TBCD: variants seen among roughly 807,000 people sequenced by gnomAD.
TBCD encodes tubulin-specific chaperone D.
A neutral mutation model predicts 169.3 loss-of-function variants in TBCD; 105 were observed. The observed-to-expected ratio is 0.62, with a 90% CI of 0.53 to 0.73. The LOEUF is 0.73. TBCD is among the 30% of genes least tolerant of loss of function. The pLI is 0.00. For synonymous variants in TBCD, 700 were observed against 643.9 expected, an observed-to-expected ratio of 1.09 and a Z score of -1.32; for missense variants, 1,444 against 1,600.1, an observed-to-expected ratio of 0.90 and a Z score of 1.66.
chr17:82,929,574 C>T (rs753600372), intron 32 of TBCD, 74 bp downstream of exon 32: 42 of 1,576,798 alleles, frequency 2.7e-5, no homozygotes, highest in Admixed American at 6.8e-5. Context: ...CTCTTGGGAG[C>T]ATGTATGGAG....
intron 13 of TBCD, among the ~76,000 whole-genome samples, chr17:82,834,438 A>G (rs1471428467): frequency 6.6e-6 from 1 of 152,252 alleles, no homozygotes; most frequent in Non-Finnish European, 1.5e-5. Flanking sequence ...AATATTTTCA[A>G]ACAGCTTAAA....
chr17:82,881,889 C>T (rs1021552267), intron 14 of TBCD, among the ~76,000 whole-genome samples: 3 of 151,726 alleles, frequency 2.0e-5, no homozygotes, highest in South Asian at 4.2e-4. Flanking sequence ...GGGGTCCTTT[C>T]TCTCTCTCTC....
At chr17:82,850,131 T>TGTTGGCTGTGCTGC (rs2055602222) in intron 13 of TBCD, among the ~76,000 whole-genome samples, 2 of 19,934 alleles carry the variant, frequency 1.0e-4, no homozygotes, top group Non-Finnish European at 2.2e-4. Flanking sequence ...GGCTGTGTTG[T>TGTTGGCTGTGCTGC]TGTTGGCTGT....
chr17:82,900,211 T>C (rs1006798293), intron 17 of TBCD, among the ~76,000 whole-genome samples: 3 of 152,218 alleles, frequency 2.0e-5, no homozygotes, highest in East Asian at 1.9e-4. Context: ...TCCCCCACCC[T>C]GAGGCCCCTG....
intron 13 of TBCD, among the ~76,000 whole-genome samples, chr17:82,826,642 C>T (rs1388611814): frequency 3.9e-5 from 6 of 152,198 alleles, no homozygotes; most frequent in Non-Finnish European, 8.8e-5. Flanking sequence ...TCTTGAACTC[C>T]TTGGCTCAAG....
intron 1 of TBCD, among the ~76,000 whole-genome samples, chr17:82,753,843 G>A (rs1453155293): frequency 1.3e-5 from 2 of 150,584 alleles, no homozygotes; most frequent in African/African-American, 2.4e-5. Context: ...ACGCAGAGCC[G>A]GTTGAAAGGG....
intron 27 of TBCD, among the ~76,000 whole-genome samples, chr17:82,925,520 C>T (rs938598536): frequency 5.3e-5 from 8 of 152,088 alleles, no homozygotes; most frequent in African/African-American, 1.9e-4. Context: ...TCCCACTGAC[C>T]AACCTGCCGG....
At chr17:82,830,874 G>T in intron 13 of TBCD, 1 of 1,612,714 alleles carries the variant, frequency 6.2e-7, no homozygotes, top group Admixed American at 1.7e-5. Flanking sequence ...TCACAACATT[G>T]AGGCTAGAAG....
At chr17:82,842,083 G>A (rs767066186) in intron 13 of TBCD, among the ~76,000 whole-genome samples, 2 of 152,252 alleles carry the variant, frequency 1.3e-5, no homozygotes, top group Non-Finnish European at 1.5e-5. Flanking sequence ...GATGCAAGGC[G>A]GGAGCCGAGG....
chr17:82,790,470 G>A (rs888808202), intron 7 of TBCD, among the ~76,000 whole-genome samples: 1 of 152,136 alleles, frequency 6.6e-6, no homozygotes, highest in Non-Finnish European at 1.5e-5. Context: ...TGTGGCCCAC[G>A]CCTGGGGTTC....
At chr17:82,839,484 T>C (rs775754976) in intron 13 of TBCD, among the ~76,000 whole-genome samples, 3 of 152,040 alleles carry the variant, frequency 2.0e-5, no homozygotes, top group Admixed American at 6.5e-5. Context: ...ACCACACATA[T>C]ATATAACCCT....
chr17:82,822,819 G>T (rs184490760), intron 13 of TBCD, among the ~76,000 whole-genome samples: 1 of 152,348 alleles, frequency 6.6e-6, no homozygotes, highest in African/African-American at 2.4e-5. Flanking sequence ...TGACATGTTG[G>T]AGCCTTCCAC....
At chr17:82,827,776 G>A (rs917085534) in intron 13 of TBCD, among the ~76,000 whole-genome samples, 1 of 150,080 alleles carries the variant, frequency 6.7e-6, no homozygotes, top group African/African-American at 2.5e-5. Flanking sequence ...CACATCCGCA[G>A]ATATGTACAC....
chr17:82,855,331 C>T (rs1306416207), intron 13 of TBCD, among the ~76,000 whole-genome samples: 1 of 138,118 alleles, frequency 7.2e-6, no homozygotes, highest in Non-Finnish European at 1.5e-5. Context: ...ATGGTGTAGT[C>T]GCGGCTCACT....
intron 8 of TBCD, among the ~76,000 whole-genome samples, chr17:82,800,024 C>T (rs557787534): frequency 3.8e-4 from 58 of 152,276 alleles, no homozygotes; most frequent in Non-Finnish European, 6.6e-4. Flanking sequence ...CCCCCATCCC[C>T]CTGCTCTGTC....
chr17:82,889,967 G>A lies in TBCD; in HGVS notation c.1563+270G>A, dbSNP rs74000173. The stretch of plus-strand genomic sequence containing the variant: ...GCCACATAATGTGGCTCTGCAGGGT[G>A]GGGCGGGTCCCTGGGACCAGCCTGG... On this transcript the variant is annotated intron_variant, in intron 16 of 38. Transcript: ENST00000355528. The surrounding 1 kb of genome is among the most constrained non-coding windows in gnomAD (Gnocchi z 5.3). Among the ~76,000 whole-genome samples the A allele has an allele frequency of 0.028, 4,233 of 152,334 alleles. 206 individuals are homozygous for A. Among genetic ancestry groups the A allele is most frequent in the African/African-American group, 0.096 (3,984 of 41,550 alleles).
At chr17:82,917,060 A>C (rs1172274901) in intron 23 of TBCD, among the ~76,000 whole-genome samples, 2 of 91,912 alleles carry the variant, frequency 2.2e-5, no homozygotes, top group African/African-American at 3.5e-5. Context: ...TTGCTCTGTC[A>C]CCAGGCTGGA....
intron 13 of TBCD, among the ~76,000 whole-genome samples, chr17:82,852,371 G>T (rs768961253): frequency 6.6e-6 from 1 of 152,138 alleles, no homozygotes; most frequent in Non-Finnish European, 1.5e-5. Flanking sequence ...GTCAGCTCAG[G>T]CTGTGGAAAC....
chr17:82,869,946 G>C (rs930595193), intron 13 of TBCD, among the ~76,000 whole-genome samples: 8 of 151,796 alleles, frequency 5.3e-5, no homozygotes, highest in Admixed American at 1.3e-4. Flanking sequence ...GTGGTATCAT[G>C]TGCTATTCTG....
Sources: gnomAD v4.1 joint callset for allele counts (sites outside exome capture counted in the v4.1 genomes callset) on GRCh38, gnomAD v4.1.1 for gene constraint, Gnocchi (gnomAD v3.1) non-coding constraint, MANE v1.5 for transcripts, NCBI Gene and HGNC (gene_info 2026-07-23, HGNC 2026-07-21) for gene names.